The following DOK5 variants were observed in gnomAD, a reference collection of about 807,000 sequenced individuals.
DOK5 encodes downstream of tyrosine kinase 5.
A neutral mutation model predicts 43.3 loss-of-function variants in DOK5; 27 were observed. That is an observed-to-expected ratio of 0.62 (90% CI 0.46 to 0.86). The LOEUF is 0.86. Ranked by LOEUF, DOK5 falls within the 40% of genes least tolerant of loss-of-function variation. DOK5 has a pLI of 0.00. For missense variants in DOK5, 373 were observed against 392.9 expected (o/e 0.95, Z 0.43); for synonymous variants, 146 against 140.1 (o/e 1.04, Z -0.30).
chr20:54,610,250 A>G, intron 5 of DOK5, 138 bp from the exon 6 acceptor site: 1 of 905,790 alleles, frequency 1.1e-6, no homozygotes, highest in Non-Finnish European at 1.5e-6. Flanking sequence ...TTCCGATTCT[A>G]GTTAACTTTG....
intron 6 of DOK5, among the ~76,000 whole-genome samples, chr20:54,637,137 G>A (rs191226035): frequency 4.6e-5 from 7 of 151,914 alleles, no homozygotes; most frequent in Admixed American, 3.9e-4. Context: ...GAAGCAAAGC[G>A]TCTTCTGCTT....
At chr20:54,554,509 G>A (rs1159905551) in intron 1 of DOK5, among the ~76,000 whole-genome samples, 2 of 152,278 alleles carry the variant, frequency 1.3e-5, no homozygotes, top group South Asian at 2.1e-4. Flanking sequence ...GGAATATCAC[G>A]ACAACCATGA....
intron 6 of DOK5, among the ~76,000 whole-genome samples, chr20:54,635,556 G>T (rs1051446954): frequency 6.6e-6 from 1 of 152,108 alleles, no homozygotes. Context: ...GAAAATTTTT[G>T]AATCTACCTA....
At chr20:54,531,083 T>C (rs897892638) in intron 1 of DOK5, among the ~76,000 whole-genome samples, 2 of 152,224 alleles carry the variant, frequency 1.3e-5, no homozygotes, top group African/African-American at 4.8e-5. Flanking sequence ...GTAATTGGTT[T>C]GTTTTTGTCT....
chr20:54,511,198 G>A (rs1280304332), intron 1 of DOK5, among the ~76,000 whole-genome samples: 3 of 152,156 alleles, frequency 2.0e-5, no homozygotes, highest in Non-Finnish European at 4.4e-5. Flanking sequence ...CTTTGGGCAA[G>A]TGGACTAACT....
At chr20:54,644,718 A>AAAAAAAAC (rs1555839806) in intron 7 of DOK5, among the ~76,000 whole-genome samples, 2 of 142,562 alleles carry the variant, frequency 1.4e-5, no homozygotes, top group African/African-American at 5.9e-5. Flanking sequence ...AAAAAAAAAA[A>AAAAAAAAC]AAAAAACAAA....
chr20:54,482,882 T>C (rs922207352), intron 1 of DOK5, among the ~76,000 whole-genome samples: 8 of 152,196 alleles, frequency 5.3e-5, no homozygotes, highest in African/African-American at 1.7e-4. Flanking sequence ...CAGTAAGATA[T>C]GTGAAGTTTA....
At chr20:54,550,931 C>T (rs987490449) in intron 1 of DOK5, among the ~76,000 whole-genome samples, 2 of 151,928 alleles carry the variant, frequency 1.3e-5, no homozygotes, top group Non-Finnish European at 2.9e-5. Context: ...AAGAATGAAA[C>T]TTCTGGTTGT....
intron 6 of DOK5, among the ~76,000 whole-genome samples, chr20:54,615,575 G>A (rs1002737305): frequency 6.6e-6 from 1 of 152,142 alleles, no homozygotes; most frequent in Non-Finnish European, 1.5e-5. Flanking sequence ...TGGAAGAAGG[G>A]ACTGTGAGCC....
At chr20:54,492,569 A>G (rs901691728) in intron 1 of DOK5, among the ~76,000 whole-genome samples, 1 of 152,170 alleles carries the variant, frequency 6.6e-6, no homozygotes, top group African/African-American at 2.4e-5. Flanking sequence ...AGTCCTAAAA[A>G]AAAGAGTTAC....
intron 6 of DOK5, among the ~76,000 whole-genome samples, chr20:54,626,614 G>A (rs1322541060): frequency 1.3e-5 from 2 of 152,012 alleles, no homozygotes; most frequent in African/African-American, 4.8e-5. Context: ...AAGTTCACAT[G>A]TACCTTTCCA....
At chr20:54,478,279 T>A (rs1981516146) in intron 1 of DOK5, among the ~76,000 whole-genome samples, 1 of 152,198 alleles carries the variant, frequency 6.6e-6, no homozygotes, top group South Asian at 2.1e-4. Context: ...AGGCTGCAAA[T>A]ATTGGTGAAG....
chr20:54,633,207 C>T (rs1978652031), intron 6 of DOK5, among the ~76,000 whole-genome samples: 1 of 152,200 alleles, frequency 6.6e-6, no homozygotes, highest in Non-Finnish European at 1.5e-5. Context: ...CGTTGGATAG[C>T]TGAACTGCTG....
chr20:54,607,043 A>T (rs1986492782), intron 5 of DOK5, among the ~76,000 whole-genome samples: 1 of 152,252 alleles, frequency 6.6e-6, no homozygotes, highest in African/African-American at 2.4e-5. Context: ...GTGACTTCAC[A>T]TAAAAGTCAA....
At chr20:54,480,652 A>G (rs1204516403) in intron 1 of DOK5, among the ~76,000 whole-genome samples, 1 of 152,102 alleles carries the variant, frequency 6.6e-6, no homozygotes, top group Non-Finnish European at 1.5e-5. Context: ...GCTGTGAGAG[A>G]TCCAAGAACC....
At chr20:54,558,859 A>G (rs1173810373) in intron 2 of DOK5, among the ~76,000 whole-genome samples, 1 of 152,184 alleles carries the variant, frequency 6.6e-6, no homozygotes, top group Non-Finnish European at 1.5e-5. Context: ...GTTTCAACAC[A>G]AGAAAAAGAT....
At chr20:54,605,292 A>G (rs1022856168) in intron 5 of DOK5, among the ~76,000 whole-genome samples, 1 of 152,234 alleles carries the variant, frequency 6.6e-6, no homozygotes, top group African/African-American at 2.4e-5. Context: ...CAACCCCATT[A>G]GTATTTTTCT....
chr20:54,476,791 C>G (rs1247041294), intron 1 of DOK5, among the ~76,000 whole-genome samples: 1 of 152,192 alleles, frequency 6.6e-6, no homozygotes, highest in Non-Finnish European at 1.5e-5. Context: ...TTCCTTAAAA[C>G]TCCCTCTCTT....
chr20:54,605,716 A>G (rs1219184134), intron 5 of DOK5, among the ~76,000 whole-genome samples: 2 of 152,224 alleles, frequency 1.3e-5, no homozygotes, highest in Admixed American at 6.5e-5. Flanking sequence ...TTCACAATTC[A>G]TTCTACAGTT....
Sources: gnomAD v4.1 joint callset for allele counts (sites outside exome capture counted in the v4.1 genomes callset) on GRCh38, gnomAD v4.1.1 for gene constraint, MANE v1.5 for transcripts, NCBI Gene and HGNC (gene_info 2026-07-23, HGNC 2026-07-21) for gene names.